CACNA1A: variants seen among roughly 807,000 people sequenced by gnomAD.
The protein encoded by CACNA1A is calcium voltage-gated channel subunit alpha1 A.
Under a neutral mutation model 262.4 loss-of-function variants are expected in CACNA1A, and 57 were observed. The observed-to-expected ratio is 0.22, with a 90% CI of 0.18 to 0.27. CACNA1A has a LOEUF of 0.27. Ranked by LOEUF, CACNA1A falls within the 10% of genes least tolerant of loss-of-function variation. CACNA1A has a pLI of 1.00. For synonymous variants in CACNA1A, 1,431 were observed against 1,419.3 expected (o/e 1.01, Z -0.18); for missense variants, 2,526 against 3,562.8 (o/e 0.71, Z 7.41).
intron 33 of CACNA1A, 32 bp downstream of exon 33, chr19:13,235,177 G>A (rs1008421290): frequency 1.9e-6 from 3 of 1,604,846 alleles, no homozygotes; most frequent in African/African-American, 2.7e-5. Context: ...CTCCTTGGGA[G>A]GCTCTGGGAA....
In CACNA1A at chr19:13,308,302, C is replaced by T; in HGVS notation, c.1782-51G>A. On this transcript the variant is annotated intron_variant, in intron 13 of 46. Coordinates refer to ENST00000360228, the MANE Select transcript of CACNA1A (RefSeq NM_001127222.2). The surrounding 1 kb of genome is among the most constrained non-coding windows in gnomAD (Gnocchi z 4.2). Reference sequence around the variant, plus strand: ...TCAGGCCAGGCGGGGGAGGCAGGGCCCCGGAGTCAGCCCTCGAAACACGAG... The same window carrying T: ...TCAGGCCAGGCGGGGGAGGCAGGGCTCCGGAGTCAGCCCTCGAAACACGAG... The T allele has an allele frequency of 6.3e-7, 1 of 1,587,408 alleles. No individual in the cohort carries two copies. Among genetic ancestry groups the T allele is most frequent in the Non-Finnish European group, 8.6e-7 (1 of 1,164,708 alleles).
rs1331503913 is a variant in CACNA1A at position 13,267,926 on chromosome 19, A to C, written c.3990-5093T>G. ...CTCCCAAGTAGCTGGAAATACAGGC[A>C]AATTTTTCCATTTTTTGTAGAGACG... On this transcript the variant is annotated intron_variant, in intron 24 of 46. Coordinates refer to ENST00000360228, the MANE Select transcript of CACNA1A (RefSeq NM_001127222.2). 3.9e-5 allele frequency among the ~76,000 whole-genome samples: 6 copies of C among 151,912 alleles called. 1 individual carries two copies. The highest frequency in any genetic ancestry group is 1.4e-4 in the African/African-American group (6 of 41,392).
At position 13,415,743 on chromosome 19, in the gene CACNA1A, T is replaced by TAAAAAAAA. The variant is rs71170510; in HGVS notation, c.539+37125_539+37132dup. ...CAACAGAGCGAGACTCTGTCTCAAT[T>TAAAAAAAA]AAAAAAAAAAAAAAAAAAAAAAAAA... is the stretch of plus-strand genomic sequence containing the variant. On this transcript the variant is annotated intron_variant, in intron 3 of 46. Transcript: ENST00000360228. Among the ~76,000 whole-genome samples the TAAAAAAAA allele has an allele frequency of 4.8e-3, 205 of 42,506 alleles. 21 individuals are homozygous for TAAAAAAAA. The highest frequency in any genetic ancestry group is 6.7e-3 in the Non-Finnish European group (156 of 23,324). 27.9% of individuals were successfully genotyped at this position (42,506 alleles called of 152,430 possible). A position where few individuals can be genotyped will look rare whatever the true frequency, so the allele number is the denominator to read the frequency against.
intron 2 of CACNA1A, among the ~76,000 whole-genome samples, chr19:13,454,205 T>TG (rs1177601797): frequency 6.6e-6 from 1 of 150,908 alleles, no homozygotes; most frequent in Non-Finnish European, 1.5e-5. Context: ...TCCCAGAGGT[T>TG]GGGGGGTGGG....
rs1175066503 is a variant in CACNA1A, at chr19:13,207,687, A to T, written c.7147T>A (p.Cys2383Ser). Residue 2383 changes from cysteine to serine, a missense_variant, in exon 47 of 47, where the codon TGT becomes AGT. By Grantham distance (112) the Cys-to-Ser change is moderately radical (BLOSUM62 -1). This residue lies in a region of CACNA1A where 929 missense variants were observed against 868.1 expected (regional missense o/e 1.07). Transcript: ENST00000360228. This position sits in a 1 kb window ranked among gnomAD's most constrained non-coding sequence, Gnocchi z 5.7. The stretch of plus-strand genomic sequence containing the variant: ...GGCCACCGGGCCCCGCCGTGTCGAC[A>T]GGCCCTGGGGGACTCGCTCCGGGCC... Reference protein sequence around the residue: ...GPARSESPRACRHGGARWPAS... With the variant: ...GPARSESPRASRHGGARWPAS... The T allele has an allele frequency of 7.1e-7, 1 of 1,413,250 alleles. No homozygotes were observed. The allele number at this position is 1,413,250 out of a possible 1,614,324, so 87.5% of individuals were successfully genotyped here. A position where few individuals can be genotyped will look rare whatever the true frequency, so the allele number is the denominator to read the frequency against.
At position 13,506,470 on chromosome 19, in the gene CACNA1A, G is replaced by C. The variant is rs1048574794; in HGVS notation, c.-246C>G. 2 of 258,012 alleles carry C rather than the reference G, an allele frequency of 7.8e-6. No individual in the cohort carries two copies. The highest frequency in any genetic ancestry group is 2.4e-5 in the African/African-American group (1 of 41,616). The allele number at this position is 258,012 out of a possible 1,614,324, so 16.0% of individuals were successfully genotyped here. Reference sequence around the variant, plus strand: ...AGCAGCTCGGGACATCTTCCTGGCTGACCCCGGAGAAGGAGGGGCGGGAGG... The same window carrying C: ...AGCAGCTCGGGACATCTTCCTGGCTCACCCCGGAGAAGGAGGGGCGGGAGG... On this transcript the variant is annotated 5_prime_UTR_variant, in exon 1 of 47. Transcript: ENST00000360228.
At chr19:13,273,424 C>T (rs2057072966) in intron 24 of CACNA1A, 1 of 152,112 alleles carries the variant, frequency 6.6e-6, no homozygotes, top group South Asian at 2.1e-4. Flanking sequence ...GATTTACCTC[C>T]ATTTTTACTA....
At chr19:13,393,811 T>TTCC (rs1226397228) in intron 3 of CACNA1A, among the ~76,000 whole-genome samples, 50 of 82,132 alleles carry the variant, frequency 6.1e-4, no homozygotes, top group South Asian at 2.0e-3. Context: ...CCCTCCTTCC[T>TTCC]CTCTCTCTCT....
At chr19:13,231,920 C>T in intron 34 of CACNA1A, 60 bp from the exon 35 acceptor site, 1 of 1,548,258 alleles carries the variant, frequency 6.5e-7, no homozygotes, top group East Asian at 2.3e-5. Flanking sequence ...ACCAACGCCT[C>T]CCCAGGAGGT....
intron 3 of CACNA1A, among the ~76,000 whole-genome samples, chr19:13,417,163 A>G (rs1160381570): frequency 6.6e-6 from 1 of 152,154 alleles, no homozygotes; most frequent in Non-Finnish European, 1.5e-5. Context: ...CAGGTCAGAA[A>G]GCGACTGCCA....
rs142538339 is a variant in CACNA1A, at chr19:13,374,109, T to C, written c.540-2330A>G. ...GCTGAGAGTGGCCATGACAGAGAGC[T>C]TGGGACTGAAAGAGGGCTTGGCAAA... is the stretch of plus-strand genomic sequence containing the variant. On this transcript the variant is annotated intron_variant, in intron 3 of 46. Coordinates refer to ENST00000360228, the MANE Select transcript of CACNA1A (RefSeq NM_001127222.2). 6.7e-3 allele frequency among the ~76,000 whole-genome samples: 1,025 copies of C among 152,136 alleles called. 13 individuals are homozygous for C. The highest frequency in any genetic ancestry group is 0.031 in the Admixed American group (466 of 15,272).
chr19:13,449,409 C>A (rs185109760), intron 3 of CACNA1A, among the ~76,000 whole-genome samples: 1 of 152,150 alleles, frequency 6.6e-6, no homozygotes, highest in African/African-American at 2.4e-5. Flanking sequence ...GTGATCCTCC[C>A]GCCTTGGCCT....
intron 31 of CACNA1A, among the ~76,000 whole-genome samples, chr19:13,242,992 C>A (rs1241178192): frequency 6.6e-6 from 1 of 152,250 alleles, no homozygotes; most frequent in Non-Finnish European, 1.5e-5. Flanking sequence ...GTCCCTACAG[C>A]TCTCTTACTG....
intron 6 of CACNA1A, among the ~76,000 whole-genome samples, chr19:13,354,408 T>C (rs900558992): frequency 1.3e-5 from 2 of 152,146 alleles, no homozygotes; most frequent in African/African-American, 4.8e-5. Flanking sequence ...CATTCTAGGA[T>C]AGACCCAGGG....
intron 30 of CACNA1A, among the ~76,000 whole-genome samples, chr19:13,250,399 AATTT>A (rs1321115441): frequency 6.7e-6 from 1 of 148,836 alleles, no homozygotes; most frequent in Non-Finnish European, 1.5e-5. Context: ...AATTTAATTT[AATTT>A]ATTTATTTAT....
intron 4 of CACNA1A, among the ~76,000 whole-genome samples, chr19:13,367,951 A>G (rs1439528064): frequency 6.6e-6 from 1 of 152,102 alleles, no homozygotes; most frequent in East Asian, 1.9e-4. Context: ...TGGGAGAGGA[A>G]GGGGTTAATA....
intron 3 of CACNA1A, among the ~76,000 whole-genome samples, chr19:13,438,838 G>A (rs1280501612): frequency 6.6e-6 from 1 of 152,126 alleles, no homozygotes; most frequent in East Asian, 1.9e-4. Context: ...CTAAGACAGA[G>A]TTTTAAAATA....
intron 1 of CACNA1A, among the ~76,000 whole-genome samples, chr19:13,496,418 G>A (rs1006971456): frequency 1.3e-5 from 2 of 152,196 alleles, no homozygotes; most frequent in African/African-American, 4.8e-5. Context: ...AGAGGAAGGG[G>A]AAGCTGTGGG....
At chr19:13,469,130 T>C (rs931132628) in intron 1 of CACNA1A, among the ~76,000 whole-genome samples, 2 of 152,012 alleles carry the variant, frequency 1.3e-5, no homozygotes, top group Admixed American at 6.6e-5. Flanking sequence ...AACCAGCCAA[T>C]GCCATGAAGG....
Sources: gnomAD v4.1 joint callset for allele counts (sites outside exome capture counted in the v4.1 genomes callset) on GRCh38, gnomAD v4.1.1 for gene constraint, gnomAD v4.1.1 regional missense constraint, Gnocchi (gnomAD v3.1) non-coding constraint, MANE v1.5 for transcripts, NCBI Gene and HGNC (gene_info 2026-07-23, HGNC 2026-07-21) for gene names.